ZNF101: variants seen among roughly 807,000 people sequenced by gnomAD.
The protein encoded by ZNF101 is zinc finger protein 101 (Y2).
ZNF101 carries 34 observed loss-of-function variants against 42.6 expected under a neutral mutation model. The observed-to-expected ratio is 0.80, with a 90% CI of 0.61 to 1.06. The LOEUF (loss-of-function observed/expected upper bound fraction) is 1.06, where lower values mean the gene tolerates loss of function less well. Among genes scored for constraint, ZNF101 ranks in the 50% least tolerant of loss-of-function variants. The pLI, the probability that ZNF101 is intolerant of heterozygous loss-of-function variation, is 0.00. For synonymous variants in ZNF101, 158 were observed against 183.9 expected (o/e 0.86, Z 1.14); for missense variants, 466 against 530.9 (o/e 0.88, Z 1.20).
chr19:19,673,950 C>T (rs148052913), intron 1 of ZNF101, among the ~76,000 whole-genome samples: 2,527 of 151,360 alleles, frequency 0.017, 55 homozygotes, highest in African/African-American at 0.056. Flanking sequence ...CCTGCCACCG[C>T]GCCCGACTAA....
rs1178876352 is a variant in ZNF101 at position 19,679,534 on chromosome 19, A to G, written c.545A>G (p.Asn182Ser). The change falls in exon 4 of 4, where the codon AAT becomes AGT. Residue 182 changes from asparagine to serine, a missense_variant. Asn to Ser is a conservative substitution (Grantham distance 46). Coordinates refer to ENST00000592502, the MANE Select transcript of ZNF101 (RefSeq NM_033204.4). ...TGCGGGAAAGCCTTTAATTCTCCCA[A>G]TTTATTTCAAATCCATCAAAGAACT... ...KVCGKAFNSPNLFQIHQRTHT... is the reference protein window; with the variant it reads ...KVCGKAFNSPSLFQIHQRTHT... 1 of 1,614,126 alleles carries G rather than the reference A, an allele frequency of 6.2e-7. No individual in the cohort carries two copies. Among genetic ancestry groups the G allele is most frequent in the Non-Finnish European group, 8.5e-7 (1 of 1,180,036 alleles).
chr19:19,672,205 T>C (rs1227282079), intron 1 of ZNF101: 2 of 151,588 alleles, frequency 1.3e-5, no homozygotes, highest in Admixed American at 6.6e-5. Context: ...TTTTTTACTT[T>C]CGAGACAAAG....
In ZNF101 at chr19:19,668,925, C is replaced by T. The variant is rs1192973179; in HGVS notation, c.-39C>T. On this transcript the variant is annotated 5_prime_UTR_variant, in exon 1 of 4. Coordinates refer to ENST00000592502, the MANE Select transcript of ZNF101 (RefSeq NM_033204.4). The stretch of plus-strand genomic sequence containing the variant: ...TCGTGTGGGACCTGTTCTGGCTGCT[C>T]CAGCCCCAGGAAGGACCCAGGACAC... The T allele has an allele frequency of 1.3e-6, 2 of 1,576,788 alleles. No individual in the cohort carries two copies. Among genetic ancestry groups the T allele is most frequent in the Non-Finnish European group, 1.7e-6 (2 of 1,161,858 alleles).
At chr19:19,675,924 GAGGTTAAGAC>G (rs1185156354) in intron 1 of ZNF101, among the ~76,000 whole-genome samples, 2 of 152,170 alleles carry the variant, frequency 1.3e-5, no homozygotes, top group African/African-American at 4.8e-5. Flanking sequence ...TTGAGCCTGG[GAGGTTAAGAC>G]TGCAGGGGCC....
At chr19:19,678,043 C>T in intron 2 of ZNF101, 53 bp downstream of exon 2, 1 of 1,586,670 alleles carries the variant, frequency 6.3e-7, no homozygotes, top group Non-Finnish European at 8.6e-7. Context: ...GTGTTTTGGT[C>T]ACCAGTGTGG....
rs779321707 is a variant in ZNF101 at position 19,679,919 on chromosome 19, C to T, written c.930C>T (p.Tyr310=). ...HERTHSGGKL[Y]ECQKCAKVFR... ...GAACTCATAGTGGAGGAAAACTCTA[C>T]GAATGTCAAAAATGTGCCAAAGTCT... Residue 310 remains tyrosine (Y), a synonymous_variant, in exon 4 of 4, where the codon TAC becomes TAT. Transcript: ENST00000592502. 5 of 1,614,034 alleles carry T rather than the reference C, an allele frequency of 3.1e-6. No homozygotes were observed. The highest frequency in any genetic ancestry group is 2.2e-5 in the East Asian group (1 of 44,868).
At chr19:19,678,459 T>C (rs976553411) in intron 2 of ZNF101, among the ~76,000 whole-genome samples, 6 of 151,588 alleles carry the variant, frequency 4.0e-5, no homozygotes, top group Non-Finnish European at 7.4e-5. Context: ...CTACTAAAAA[T>C]ACAAAATTAG....
At chr19:19,676,646 T>TTC (rs974031744) in intron 1 of ZNF101, 4 of 151,806 alleles carry the variant, frequency 2.6e-5, no homozygotes, top group Non-Finnish European at 5.9e-5. Flanking sequence ...ATTTTTTTTT[T>TTC]TTTTTGAGAC....
Position 19,679,408 on chromosome 19 carries a change from C to T in ZNF101, c.419C>T (p.Pro140Leu), listed in dbSNP as rs746473053. The T allele has an allele frequency of 6.2e-7, 1 of 1,613,888 alleles. No individual in the cohort carries two copies. The highest frequency in any genetic ancestry group is 1.1e-5 in the South Asian group (1 of 91,086). Residue 140 changes from proline (P) to leucine (L), a missense_variant, in exon 4 of 4, where the codon CCC becomes CTC. Transcript: ENST00000592502. ...TGTGGTGGGGAATGGAGAGAGACGCCCCGTAAACAGAAACAACATGGGAAA... is the reference window on the plus strand; with the variant it reads ...TGTGGTGGGGAATGGAGAGAGACGCTCCGTAAACAGAAACAACATGGGAAA... ...SECGGEWRET[P>L]RKQKQHGKAS...
In ZNF101 at chr19:19,681,861, T is replaced by C. The variant is rs953189310; in HGVS notation, c.*1561T>C. ...TAATGCTCAAAAACTTAATCATGAA[T>C]GAGTTATTACACAAAGTTATAAATA... On this transcript the variant is annotated 3_prime_UTR_variant, in exon 4 of 4. Transcript: ENST00000592502. 1 of 152,060 alleles carries C rather than the reference T, an allele frequency of 6.6e-6. No homozygotes were observed. The highest frequency in any genetic ancestry group is 1.5e-5 in the Non-Finnish European group (1 of 68,020). 9.4% of individuals were successfully genotyped at this position (152,060 alleles called of 1,614,324 possible).
In ZNF101 at chr19:19,679,164, T is replaced by A; in HGVS notation, c.192-17T>A. The A allele has an allele frequency of 6.2e-7, 1 of 1,606,396 alleles. No homozygotes were observed. Among genetic ancestry groups the A allele is most frequent in the Non-Finnish European group, 8.5e-7 (1 of 1,174,492 alleles). On this transcript the variant is annotated splice_polypyrimidine_tract_variant and intron_variant, in intron 3 of 3. Coordinates refer to ENST00000592502, the MANE Select transcript of ZNF101 (RefSeq NM_033204.4). ...TAATAAACCAAGCATTGATAATGCG[T>A]TTGTCATTTTTCATAGAAGTCTGGT...
intron 1 of ZNF101, 103 bp from the exon 2 acceptor site, chr19:19,677,761 G>A (rs1408242386): frequency 2.7e-6 from 4 of 1,501,884 alleles, no homozygotes; most frequent in Non-Finnish European, 3.6e-6. Flanking sequence ...ATCATGGAGT[G>A]AGTGTTTGGA....
At chr19:19,674,044 T>C (rs1034220296) in intron 1 of ZNF101, among the ~76,000 whole-genome samples, 3 of 151,982 alleles carry the variant, frequency 2.0e-5, no homozygotes, top group African/African-American at 7.3e-5. Context: ...CACCTGCCTT[T>C]GCCTCCCAAA....
Position 19,677,967 on chromosome 19 carries a change from C to T in ZNF101, c.107C>T (p.Thr36Ile). The change falls in exon 2 of 4, where the codon ACC (threonine) becomes ATC (isoleucine). Residue 36 changes from threonine (T) to isoleucine (I), a missense_variant. Thr to Ile is a moderately conservative substitution (Grantham distance 89). Transcript: ENST00000592502. The part of the protein sequence containing the change: ...KNLYRDVTLE[T>I]FRNLASVGIQ... ...CTCTACAGAGATGTGACGCTGGAAA[C>T]CTTCAGGAACCTGGCCTCGGTCGGT... The T allele has an allele frequency of 6.2e-7, 1 of 1,611,808 alleles. No homozygotes were observed. The highest frequency in any genetic ancestry group is 8.5e-7 in the Non-Finnish European group (1 of 1,178,678).
In ZNF101 at chr19:19,679,938, A is replaced by G. The variant is rs1271720556; in HGVS notation, c.949A>G (p.Lys317Glu). 8.1e-6 allele frequency: 13 copies of G among 1,614,092 alleles called. No homozygotes were observed. Among genetic ancestry groups the G allele is most frequent in the Non-Finnish European group, 1.1e-5 (13 of 1,180,042 alleles). The part of the protein sequence containing the change: ...GKLYECQKCA[K>E]VFRCPTSLQA... ...ACTCTACGAATGTCAAAAATGTGCCAAAGTCTTTAGATGTCCCACGTCCCT... is the reference window on the plus strand; with the variant it reads ...ACTCTACGAATGTCAAAAATGTGCCGAAGTCTTTAGATGTCCCACGTCCCT... Residue 317 changes from lysine to glutamate, a missense_variant, in exon 4 of 4, where the codon AAA becomes GAA. Coordinates refer to ENST00000592502, the MANE Select transcript of ZNF101 (RefSeq NM_033204.4).
In ZNF101 at chr19:19,668,929, C is replaced by CCCCAGGAAGGA; in HGVS notation, c.-27_-17dup. 1 of 1,579,216 alleles carries CCCCAGGAAGGA rather than the reference C, an allele frequency of 6.3e-7. No homozygotes were observed. The highest frequency in any genetic ancestry group is 8.6e-7 in the Non-Finnish European group (1 of 1,163,106). On this transcript the variant is annotated 5_prime_UTR_variant, in exon 1 of 4. Coordinates refer to ENST00000592502, the MANE Select transcript of ZNF101 (RefSeq NM_033204.4). Reference sequence around the variant, plus strand: ...GTGGGACCTGTTCTGGCTGCTCCAGCCCCAGGAAGGACCCAGGACACCCGG... The same window carrying CCCCAGGAAGGA: ...GTGGGACCTGTTCTGGCTGCTCCAGCCCCAGGAAGGACCCAGGAAGGACCCAGGACACCCGG...
intron 2 of ZNF101, among the ~76,000 whole-genome samples, chr19:19,678,229 A>T (rs12976814): frequency 0.048 from 6,516 of 136,854 alleles, 239 homozygotes; most frequent in East Asian, 0.18. Flanking sequence ...CTGTCTCTTT[A>T]AAAAAAAAAA....
rs776817963 is a variant in ZNF101, at chr19:19,679,674, TA to T, written c.686del (p.Tyr229SerfsTer158). 8.7e-6 allele frequency: 14 copies of T among 1,613,994 alleles called. No individual in the cohort carries two copies. The South Asian group carries it at 1.5e-4, about 18-fold the overall frequency. ...TGGAGAAAAACGCTATGAATGTAAA[TA>T]CTGTGGAAAACCTATCGATTATCCC... ...HTGEKRYECK[Y>X]CGKPIDYPSL... On this transcript the variant is annotated frameshift_variant, in exon 4 of 4. Coordinates refer to ENST00000592502, the MANE Select transcript of ZNF101 (RefSeq NM_033204.4). LOFTEE classifies it high-confidence loss of function.
Position 19,678,715 on chromosome 19 carries a change from C to G in ZNF101, c.131-11C>G, listed in dbSNP as rs2062218135. On this transcript the variant is annotated splice_polypyrimidine_tract_variant and intron_variant, in intron 2 of 3. Coordinates refer to ENST00000592502, the MANE Select transcript of ZNF101 (RefSeq NM_033204.4). ...ATAATTCATAATAATTTCTCTGGGTCTACATTTTAGGAATCCAATGGAAAG... is the reference window on the plus strand; with the variant it reads ...ATAATTCATAATAATTTCTCTGGGTGTACATTTTAGGAATCCAATGGAAAG... The G allele has an allele frequency of 6.3e-7, 1 of 1,594,870 alleles. No individual in the cohort carries two copies. The highest frequency in any genetic ancestry group is 8.5e-7 in the Non-Finnish European group (1 of 1,171,972).
Sources: gnomAD v4.1 joint callset for allele counts (sites outside exome capture counted in the v4.1 genomes callset) on GRCh38, gnomAD v4.1.1 for gene constraint, MANE v1.5 for transcripts, NCBI Gene and HGNC (gene_info 2026-07-23, HGNC 2026-07-21) for gene names.